Variants in NOC4L observed in about 807,000 individuals in gnomAD.
The protein encoded by NOC4L is nucleolar complex protein 4 homolog.
A neutral mutation model predicts 62.8 loss-of-function variants in NOC4L; 40 were observed. That is an observed-to-expected ratio of 0.64 (90% CI 0.49 to 0.83). NOC4L has a LOEUF of 0.83. NOC4L is among the 40% of genes least tolerant of loss of function. NOC4L has a pLI of 0.00. For missense variants in NOC4L, 927 were observed against 701.9 expected (o/e 1.32, Z -3.62); for synonymous variants, 433 against 299.8 (o/e 1.44, Z -4.59).
chr12:132,148,301 T>C (rs1897803012), intron 7 of NOC4L, among the ~76,000 whole-genome samples, 195 bp downstream of exon 7: 1 of 152,160 alleles, frequency 6.6e-6, no homozygotes, highest in Admixed American at 6.5e-5. Context: ...CTCCCTTGGG[T>C]CAGAGGCCAC....
At chr12:132,146,926 A>G (rs1379534959) in intron 3 of NOC4L, among the ~76,000 whole-genome samples, 1 of 152,120 alleles carries the variant, frequency 6.6e-6, no homozygotes, top group Admixed American at 6.5e-5. Flanking sequence ...CCATGCTGGC[A>G]TCACACGCCT....
chr12:132,147,238 G>A, intron 3 of NOC4L, 43 bp from the exon 4 acceptor site: 1 of 1,385,816 alleles, frequency 7.2e-7, no homozygotes, highest in Non-Finnish European at 9.6e-7. Context: ...GCCCATCCGT[G>A]GGGTGAGGGC....
At position 132,148,913 on chromosome 12, in the gene NOC4L, G is replaced by A. The variant is rs79736234; in HGVS notation, c.901+18G>A. The A allele has an allele frequency of 0.26, 95,881 of 374,972 alleles. 10,897 individuals are homozygous for A. The highest frequency in any genetic ancestry group is 0.4 in the Middle Eastern group (665 of 1,644). 23.2% of individuals were successfully genotyped at this position (374,972 alleles called of 1,614,324 possible). A position where few individuals can be genotyped will look rare whatever the true frequency, so the allele number is the denominator to read the frequency against. On this transcript the variant is annotated intron_variant, in intron 9 of 14. Coordinates refer to ENST00000330579, the MANE Select transcript of NOC4L (RefSeq NM_024078.3). ...CGACCTCGGTGAGTGCCGCCGCCTC[G>A]CTCACACCACACCCCTAATCCCCTC...
chr12:132,150,801 C>T (rs980036783), intron 9 of NOC4L, 180 bp from the exon 10 acceptor site: 2 of 610,744 alleles, frequency 3.3e-6, no homozygotes, highest in East Asian at 2.7e-5. Context: ...TCCCCGATCC[C>T]ACTGCCTCCA....
chr12:132,146,341 C>T (rs1215908869), intron 3 of NOC4L: 1 of 456,060 alleles, frequency 2.2e-6, no homozygotes, highest in Non-Finnish European at 4.4e-6. Flanking sequence ...CGTCGTATAG[C>T]ACAGCACGTA....
Position 132,144,965 on chromosome 12 carries a change from G to A in NOC4L, c.229G>A (p.Val77Ile), listed in dbSNP as rs1438121825. Residue 77 changes from valine to isoleucine, a missense_variant, in exon 2 of 15, where the codon GTC becomes ATC. Transcript: ENST00000330579. ...FVGQLPSEEM[V>I]MTGSQGATRK... is the part of the protein sequence containing the mutation. ...GGGCCAGCTGCCCTCTGAGGAGATGGTCATGACAGGTGAGCCCTGGAGGGC... is the reference window on the plus strand; with the variant it reads ...GGGCCAGCTGCCCTCTGAGGAGATGATCATGACAGGTGAGCCCTGGAGGGC... 1.3e-6 allele frequency: 2 copies of A among 1,598,670 alleles called. No homozygotes were observed. Among genetic ancestry groups the A allele is most frequent in the Non-Finnish European group, 1.7e-6 (2 of 1,173,566 alleles).
chr12:132,152,185 C>T lies in NOC4L; in HGVS notation c.1419C>T (p.Leu473=), dbSNP rs1473547490. Reference sequence around the variant, plus strand: ...TCAGCATCGCGCCACTGCTGGAGCTCACGGCCTACGAGGTGCGGAACTGGG... The same window carrying T: ...TCAGCATCGCGCCACTGCTGGAGCTTACGGCCTACGAGGTGCGGAACTGGG... ...PEVSIAPLLE[L]TAYEIFERDL... The change falls in exon 14 of 15, where the codon CTC becomes CTT. Residue 473 remains leucine (L), a synonymous_variant. Coordinates refer to ENST00000330579, the MANE Select transcript of NOC4L (RefSeq NM_024078.3). 3.1e-6 allele frequency: 5 copies of T among 1,611,950 alleles called. No individual in the cohort carries two copies. Among genetic ancestry groups the T allele is most frequent in the Non-Finnish European group, 4.2e-6 (5 of 1,179,780 alleles).
In NOC4L at chr12:132,147,288, C is replaced by A; in HGVS notation, c.353C>A (p.Ala118Asp). ...GHPSFQVKEL[A>D]LSALLKFVQL... ...GCACTGCCCCCTTCCCAGGAGCTGG[C>A]CCTCAGCGCACTCCTGAAGTTCGTG... Residue 118 changes from alanine to aspartate, a missense_variant, in exon 4 of 15, where the codon GCC becomes GAC. By Grantham distance (126) the Ala-to-Asp change is moderately radical (BLOSUM62 -2). Transcript: ENST00000330579. 6.5e-7 allele frequency: 1 copy of A among 1,546,878 alleles called. No individual in the cohort carries two copies.
chr12:132,151,185 G>C, intron 10 of NOC4L, 73 bp from the exon 11 acceptor site: 1 of 1,457,714 alleles, frequency 6.9e-7, no homozygotes, highest in Non-Finnish European at 9.6e-7. Flanking sequence ...GGGGCGCCGA[G>C]TGAGACCCTG....
rs145276756 is a variant in NOC4L at position 132,148,819 on chromosome 12, T to G, written c.825T>G (p.Ile275Met). 1 of 1,603,466 alleles carries G rather than the reference T, an allele frequency of 6.2e-7. No homozygotes were observed. Among genetic ancestry groups the G allele is most frequent in the Middle Eastern group, 1.7e-4 (1 of 5,972 alleles). Residue 275 changes from isoleucine (I) to methionine (M), a missense_variant, in exon 9 of 15, where the codon ATT (isoleucine) becomes ATG (methionine). Physicochemically the swap from Ile to Met is conservative, Grantham distance 10. Coordinates refer to ENST00000330579, the MANE Select transcript of NOC4L (RefSeq NM_024078.3). ...GCCTCTACAAGAAGGTGCTGCTGATTGTGCATGACGCCATCCTGCCGCAGC... is the reference window on the plus strand; with the variant it reads ...GCCTCTACAAGAAGGTGCTGCTGATGGTGCATGACGCCATCCTGCCGCAGC... ...PLSLYKKVLL[I>M]VHDAILPQLA...
At position 132,148,760 on chromosome 12, in the gene NOC4L, C is replaced by T. The variant is rs1169185178; in HGVS notation, c.790-24C>T. 9 of 1,400,090 alleles carry T rather than the reference C, an allele frequency of 6.4e-6. No homozygotes were observed. The African/African-American group carries it at 1.0e-4, about 16-fold the overall frequency. The allele number at this position is 1,400,090 out of a possible 1,614,324, so 86.7% of individuals were successfully genotyped here. On this transcript the variant is annotated intron_variant, in intron 8 of 14. Coordinates refer to ENST00000330579, the MANE Select transcript of NOC4L (RefSeq NM_024078.3). ...CGGCCCCCGCCCACCCGCCCCTCACCCCCACCTGCCGGCCCCCGCCCAGCT... is the reference window on the plus strand; with the variant it reads ...CGGCCCCCGCCCACCCGCCCCTCACTCCCACCTGCCGGCCCCCGCCCAGCT...
rs141019452 is a variant in NOC4L, at chr12:132,148,437, C to T, written c.739-172C>T. ...CTTGGCTGTTCTGAGACTCCAGCCT[C>T]GAGGGCAAGGCGTACCTGACTTGAA... is the stretch of plus-strand genomic sequence containing the variant. On this transcript the variant is annotated intron_variant, in intron 7 of 14. Transcript: ENST00000330579. Among the ~76,000 whole-genome samples, 20 of 152,292 alleles carry T rather than the reference C, an allele frequency of 1.3e-4. No homozygotes were observed. The East Asian group carries it at 2.3e-3, about 18-fold the overall frequency.
At position 132,152,365 on chromosome 12, in the gene NOC4L, G is replaced by A. The variant is rs74890820; in HGVS notation, c.1515G>A (p.Pro505=). The A allele has an allele frequency of 2.0e-4, 321 of 1,576,368 alleles. No individual in the cohort carries two copies. The highest frequency in any genetic ancestry group is 2.5e-4 in the Non-Finnish European group (291 of 1,160,302). The stretch of plus-strand genomic sequence containing the variant: ...CAGCCCAGGGCCTGCTGGGACGGCC[G>A]GGTGAACTCTGTGCCCAGCACTTCA... ...FIPAQGLLGR[P]GELCAQHFTL... is the part of the protein sequence containing the mutation. The change falls in exon 15 of 15, where the codon CCG becomes CCA. Residue 505 remains proline, a synonymous_variant. Transcript: ENST00000330579.
Position 132,145,000 on chromosome 12 carries a change from G to A in NOC4L, c.238+26G>A. 1.9e-6 allele frequency: 3 copies of A among 1,571,196 alleles called. No individual in the cohort carries two copies. In the South Asian group the frequency reaches 3.5e-5, roughly 18 times the overall value. On this transcript the variant is annotated intron_variant, in intron 2 of 14. Transcript: ENST00000330579. ...GTGAGCCCTGGAGGGCCCCGGGGCT[G>A]CTCTTCTCTTTCCGTGGGTCGGAGG...
intron 3 of NOC4L, 113 bp from the exon 4 acceptor site, chr12:132,147,168 C>T (rs896478338): frequency 4.2e-5 from 31 of 734,488 alleles, no homozygotes; most frequent in East Asian, 2.5e-4. Context: ...AAGGCCCGGC[C>T]GCCCTTTTCT....
chr12:132,148,728 G>A (rs551819551), intron 8 of NOC4L, 56 bp from the exon 9 acceptor site: 123 of 245,426 alleles, frequency 5.0e-4, no homozygotes, highest in Middle Eastern at 1.4e-3. Flanking sequence ...GCCTCACCCC[G>A]ACCCGCCGGC....
Position 132,144,994 on chromosome 12 carries a change from G to T in NOC4L, c.238+20G>T. 1 of 1,579,316 alleles carries T rather than the reference G, an allele frequency of 6.3e-7. No homozygotes were observed. ...TGACAGGTGAGCCCTGGAGGGCCCC[G>T]GGGCTGCTCTTCTCTTTCCGTGGGT... On this transcript the variant is annotated intron_variant, in intron 2 of 14. Coordinates refer to ENST00000330579, the MANE Select transcript of NOC4L (RefSeq NM_024078.3).
chr12:132,151,258 G>C lies in NOC4L; in HGVS notation c.963G>C (p.Leu321=), dbSNP rs1897927729. Reference sequence around the variant, plus strand: ...GCTGCTCCTTCCCCCCGGCCCGCAGGGAGTACCCTGACTTCTACCGGAAGC... The same window carrying C: ...GCTGCTCCTTCCCCCCGGCCCGCAGCGAGTACCCTGACTTCTACCGGAAGC... ...GLFILIHKHN[L]EYPDFYRKLY... is the part of the protein sequence containing the mutation. Residue 321 remains leucine (L), a splice_region_variant and synonymous_variant, in exon 11 of 15, where the codon CTG becomes CTC. Coordinates refer to ENST00000330579, the MANE Select transcript of NOC4L (RefSeq NM_024078.3). 2 of 1,610,716 alleles carry C rather than the reference G, an allele frequency of 1.2e-6. No homozygotes were observed.
In NOC4L at chr12:132,150,856, G is replaced by C. The variant is rs561042053; in HGVS notation, c.902-125G>C. 3 of 710,582 alleles carry C rather than the reference G, an allele frequency of 4.2e-6. No homozygotes were observed. The Admixed American group carries it at 6.8e-5, about 16-fold the overall frequency. The allele number at this position is 710,582 out of a possible 1,614,324, so 44.0% of individuals were successfully genotyped here. A position where few individuals can be genotyped will look rare whatever the true frequency, so the allele number is the denominator to read the frequency against. On this transcript the variant is annotated intron_variant, in intron 9 of 14. Transcript: ENST00000330579. ...GCATGTGGTCTCCAGCTTTGTGTCC[G>C]TGGGGGCTGTGGGAGGGGACAGCAG...
Sources: allele counts gnomAD v4.1 joint callset (sites outside exome capture counted in the v4.1 genomes callset), GRCh38; gene constraint gnomAD v4.1.1; transcripts MANE v1.5; gene names NCBI Gene and HGNC (gene_info 2026-07-23, HGNC 2026-07-21).